GRM8: variants seen among roughly 807,000 people sequenced by gnomAD.
GRM8 encodes the protein glutamate metabotropic receptor 8.
In GRM8, 47 loss-of-function variants were observed where a neutral mutation model predicts 87.2. The observed-to-expected ratio is 0.54, with a 90% CI of 0.43 to 0.69. The LOEUF is 0.69. GRM8 is among the 30% of genes least tolerant of loss of function. The probability of loss-of-function intolerance (pLI) is 0.00; values close to 1 mark genes in which losing one functional copy is unlikely to be tolerated. For missense variants in GRM8, 1,019 were observed against 1,139.2 expected (o/e 0.89, Z 1.52); for synonymous variants, 396 against 404.5 (o/e 0.98, Z 0.25).
intron 3 of GRM8, among the ~76,000 whole-genome samples, chr7:126,935,523 G>A (rs544603904): frequency 6.6e-6 from 1 of 152,326 alleles, no homozygotes; most frequent in South Asian, 2.1e-4. Context: ...TTGAGGAGAT[G>A]CTATGTGGAC....
chr7:126,473,831 A>T (rs1388250133), intron 9 of GRM8, among the ~76,000 whole-genome samples: 1 of 152,000 alleles, frequency 6.6e-6, no homozygotes, highest in East Asian at 1.9e-4. Flanking sequence ...ATGTCTCATG[A>T]GATCTGATGG....
chr7:127,200,666 G>A (rs994042453), intron 2 of GRM8, among the ~76,000 whole-genome samples: 12 of 152,168 alleles, frequency 7.9e-5, no homozygotes, highest in Admixed American at 3.3e-4. Context: ...GGCAATCCTT[G>A]CCTCCTGGAT....
intron 9 of GRM8, among the ~76,000 whole-genome samples, chr7:126,497,069 T>C (rs1808869964): frequency 6.6e-6 from 1 of 151,606 alleles, no homozygotes; most frequent in African/African-American, 2.4e-5. Flanking sequence ...AGGCTAATAT[T>C]TAATACCATA....
At chr7:126,551,203 C>T (rs1438430498) in intron 8 of GRM8, among the ~76,000 whole-genome samples, 4 of 152,078 alleles carry the variant, frequency 2.6e-5, no homozygotes, top group African/African-American at 7.2e-5. Flanking sequence ...GTACCATCTT[C>T]CCCATGCAAA....
intron 7 of GRM8, among the ~76,000 whole-genome samples, chr7:126,674,379 T>C (rs950057335): frequency 2.0e-5 from 3 of 152,362 alleles, no homozygotes; most frequent in African/African-American, 4.8e-5. Flanking sequence ...TTCCCTTCAG[T>C]TGGTACACCC....
At chr7:127,228,774 T>C (rs962007741) in intron 2 of GRM8, 3 of 152,226 alleles carry the variant, frequency 2.0e-5, no homozygotes, top group African/African-American at 7.2e-5. Context: ...ACTCTACTAC[T>C]AGAACTTCAT....
chr7:126,877,052 A>G (rs561010272), intron 6 of GRM8, among the ~76,000 whole-genome samples: 23 of 152,158 alleles, frequency 1.5e-4, no homozygotes, highest in Non-Finnish European at 3.4e-4. Flanking sequence ...TCAAAGTCAC[A>G]AAGAAGCTCT....
At position 126,794,685 on chromosome 7, in the gene GRM8, G is replaced by A. The variant is rs558679933; in HGVS notation, c.1157-24620C>T. ...AAAAATAAAAGAAATAGCAGTGCTT[G>A]TTAATATGCCCTAAAACGGTGTTTG... On this transcript the variant is annotated intron_variant, in intron 6 of 10. Transcript: ENST00000339582. 2.0e-5 allele frequency among the ~76,000 whole-genome samples: 3 copies of A among 152,262 alleles called. No homozygotes were observed. In the South Asian group the frequency reaches 6.2e-4, roughly 32 times the overall value.
chr7:127,055,074 G>A (rs538436409), intron 3 of GRM8, among the ~76,000 whole-genome samples: 22 of 152,176 alleles, frequency 1.4e-4, no homozygotes, highest in Non-Finnish European at 2.8e-4. Context: ...TCTCAGAGAG[G>A]TGAGATTATA....
chr7:126,971,157 T>TAAA (rs71177581), intron 3 of GRM8, among the ~76,000 whole-genome samples: 4 of 100,244 alleles, frequency 4.0e-5, no homozygotes, highest in Admixed American at 1.1e-4. Flanking sequence ...TTTCAATTTG[T>TAAA]AAAAAAAAAA....
intron 3 of GRM8, among the ~76,000 whole-genome samples, chr7:126,966,300 A>C (rs1387670060): frequency 1.3e-5 from 2 of 152,012 alleles, no homozygotes; most frequent in Non-Finnish European, 2.9e-5. Flanking sequence ...ACACCCAGTT[A>C]ATTTTTGTAT....
At chr7:127,245,460 T>C (rs549071717) in intron 1 of GRM8, among the ~76,000 whole-genome samples, 5 of 152,330 alleles carry the variant, frequency 3.3e-5, no homozygotes, top group African/African-American at 7.2e-5. Context: ...TAAATGGCTT[T>C]CAATTATAGA....
chr7:126,610,146 C>T (rs1563009047), intron 7 of GRM8, among the ~76,000 whole-genome samples: 1 of 152,210 alleles, frequency 6.6e-6, no homozygotes, highest in Non-Finnish European at 1.5e-5. Context: ...GGTGCAAGAA[C>T]TGTAGTCTTT....
intron 2 of GRM8, among the ~76,000 whole-genome samples, chr7:127,140,214 C>A (rs1025708082): frequency 2.6e-5 from 4 of 152,130 alleles, no homozygotes; most frequent in Middle Eastern, 3.4e-3. Context: ...CTGGTTAATT[C>A]TTTGATGTGA....
At chr7:126,847,102 C>T (rs951597954) in intron 6 of GRM8, among the ~76,000 whole-genome samples, 2 of 152,154 alleles carry the variant, frequency 1.3e-5, no homozygotes, top group African/African-American at 4.8e-5. Context: ...TAGTATCTTT[C>T]ACAGTTCAGT....
intron 9 of GRM8, among the ~76,000 whole-genome samples, chr7:126,532,078 T>C (rs1398971532): frequency 6.6e-6 from 1 of 152,218 alleles, no homozygotes; most frequent in Non-Finnish European, 1.5e-5. Context: ...AAAAGTGGAA[T>C]TCAGAGTTCC....
At chr7:127,205,613 G>C (rs1031202008) in intron 2 of GRM8, among the ~76,000 whole-genome samples, 1 of 152,114 alleles carries the variant, frequency 6.6e-6, no homozygotes. Context: ...ACTCTCTACC[G>C]CTCTGCAGAG....
intron 3 of GRM8, among the ~76,000 whole-genome samples, chr7:126,921,203 A>G (rs1432435719): frequency 6.6e-6 from 1 of 152,186 alleles, no homozygotes; most frequent in Non-Finnish European, 1.5e-5. Flanking sequence ...CAAGAATAGG[A>G]GGCTAAAAGA....
intron 8 of GRM8, among the ~76,000 whole-genome samples, chr7:126,603,586 C>A (rs1294613135): frequency 6.6e-6 from 1 of 151,984 alleles, no homozygotes; most frequent in Admixed American, 6.6e-5. Context: ...TTCTTATACA[C>A]CAACAACAGA....
Sources: gnomAD v4.1 joint callset for allele counts (sites outside exome capture counted in the v4.1 genomes callset) on GRCh38, gnomAD v4.1.1 for gene constraint, MANE v1.5 for transcripts, NCBI Gene and HGNC (gene_info 2026-07-23, HGNC 2026-07-21) for gene names.